KCNS3: variants seen among roughly 807,000 people sequenced by gnomAD.
The protein encoded by KCNS3 is delayed-rectifier potassium channel regulatory subunit KCNS3.
Under a neutral mutation model 31.0 loss-of-function variants are expected in KCNS3, and 13 were observed. The ratio of observed to expected loss-of-function variants is 0.42; its 90% CI spans 0.27 to 0.67. The LOEUF (loss-of-function observed/expected upper bound fraction) is 0.67. Among genes scored for constraint, KCNS3 ranks in the 30% least tolerant of loss-of-function variants. The pLI, the probability that KCNS3 is intolerant of heterozygous loss-of-function variation, is 0.25. For synonymous variants in KCNS3, 238 were observed against 241.5 expected (o/e 0.99, Z 0.13); for missense variants, 545 against 622.4 (o/e 0.88, Z 1.32).
At position 17,891,468 on chromosome 2, in the gene KCNS3, T is replaced by G. The variant is rs533220390; in HGVS notation, c.-252+12662T>G. Among the ~76,000 whole-genome samples the G allele has an allele frequency of 9.2e-5, 14 of 152,244 alleles. 1 individual carries two copies. The highest frequency in any genetic ancestry group is 3.4e-3 in the Middle Eastern group (1 of 294). The stretch of plus-strand genomic sequence containing the variant: ...GTGCTCTTTGTTGCCTGTGTAGTTT[T>G]TTTGTTTGTTTGTTTGTTTTTGCTT... On this transcript the variant is annotated intron_variant, in intron 1 of 2. Coordinates refer to ENST00000304101, the MANE Select transcript of KCNS3 (RefSeq NM_002252.5).
chr2:17,884,932 GTT>G (rs55738585), intron 1 of KCNS3, among the ~76,000 whole-genome samples: 21,561 of 127,872 alleles, frequency 0.17, 1,629 homozygotes, highest in African/African-American at 0.2. Flanking sequence ...CTTCCCTGTT[GTT>G]TTTTTTTTTT....
At chr2:17,908,435 C>T (rs878891798) in intron 1 of KCNS3, among the ~76,000 whole-genome samples, 4 of 152,110 alleles carry the variant, frequency 2.6e-5, no homozygotes, top group African/African-American at 7.2e-5. Flanking sequence ...GAAGTTTGAT[C>T]GTCTGAAGCC....
At chr2:17,892,410 A>G (rs1032198217) in intron 1 of KCNS3, among the ~76,000 whole-genome samples, 4 of 151,992 alleles carry the variant, frequency 2.6e-5, no homozygotes, top group Non-Finnish European at 5.9e-5. Context: ...CTTAATAACT[A>G]ACTTCCCAAA....
chr2:17,921,473 T>A (rs530582178), intron 2 of KCNS3, among the ~76,000 whole-genome samples: 1 of 152,344 alleles, frequency 6.6e-6, no homozygotes, highest in Non-Finnish European at 1.5e-5. Context: ...TGATTTTTTT[T>A]ATAATATCAA....
At chr2:17,886,682 GTCCA>G (rs61140648) in intron 1 of KCNS3, among the ~76,000 whole-genome samples, 31,115 of 149,970 alleles carry the variant, frequency 0.21, 3,877 homozygotes, top group Non-Finnish European at 0.29. Flanking sequence ...CCATCCGTCC[GTCCA>G]TCCATCCATC....
chr2:17,906,968 A>G (rs964354542), intron 1 of KCNS3, among the ~76,000 whole-genome samples: 2 of 152,158 alleles, frequency 1.3e-5, no homozygotes, highest in African/African-American at 2.4e-5. Context: ...GTAGATGTCT[A>G]TTGGGTCTGC....
chr2:17,912,018 A>G (rs1448228768), intron 1 of KCNS3, among the ~76,000 whole-genome samples: 1 of 152,196 alleles, frequency 6.6e-6, no homozygotes, highest in Non-Finnish European at 1.5e-5. Context: ...AGCATTTTTA[A>G]TGGCTACAGA....
rs34385647 is a variant in KCNS3, at chr2:17,884,256, T to TA, written c.-252+5463dup. 4.4e-3 allele frequency among the ~76,000 whole-genome samples: 385 copies of TA among 86,738 alleles called. 1 individual carries two copies. Among genetic ancestry groups the TA allele is most frequent in the African/African-American group, 0.014 (315 of 22,164 alleles). The allele number at this position is 86,738 out of a possible 152,430, so 56.9% of individuals were successfully genotyped here. A position where few individuals can be genotyped will look rare whatever the true frequency, so the allele number is the denominator to read the frequency against. ...TGTACCCTAGAACTTAAAGTATAAT[T>TA]AAAAAAAAAAAAATATATATATATA... On this transcript the variant is annotated intron_variant, in intron 1 of 2. Transcript: ENST00000304101.
chr2:17,888,645 A>C lies in KCNS3; in HGVS notation c.-252+9839A>C, dbSNP rs868704462. Among the ~76,000 whole-genome samples the C allele has an allele frequency of 6.6e-4, 82 of 123,734 alleles. 8 individuals are homozygous for C. The East Asian group carries it at 9.0e-3, about 14-fold the overall frequency. The allele number at this position is 123,734 out of a possible 152,430, so 81.2% of individuals were successfully genotyped here. On this transcript the variant is annotated intron_variant, in intron 1 of 2. Coordinates refer to ENST00000304101, the MANE Select transcript of KCNS3 (RefSeq NM_002252.5). The stretch of plus-strand genomic sequence containing the variant: ...AAAAAAAATGTATATATATATATAT[A>C]TATATATATATATATATATATATAT...
chr2:17,915,124 A>C (rs974917995), intron 1 of KCNS3, among the ~76,000 whole-genome samples: 2 of 152,218 alleles, frequency 1.3e-5, no homozygotes, highest in Non-Finnish European at 2.9e-5. Flanking sequence ...CAGGAAATGC[A>C]GCCAGCCTGG....
At chr2:17,887,687 C>T (rs1442213626) in intron 1 of KCNS3, among the ~76,000 whole-genome samples, 1 of 152,150 alleles carries the variant, frequency 6.6e-6, no homozygotes. Context: ...TGGGTAGATA[C>T]CCAGTAGTGA....
intron 2 of KCNS3, among the ~76,000 whole-genome samples, chr2:17,929,231 T>G (rs1289847836): frequency 4.6e-5 from 7 of 152,232 alleles, no homozygotes; most frequent in African/African-American, 1.2e-4. Context: ...GTTCTCACAC[T>G]GCTATAAAGA....
chr2:17,925,201 G>A (rs1662807764), intron 2 of KCNS3, among the ~76,000 whole-genome samples: 1 of 152,154 alleles, frequency 6.6e-6, no homozygotes, highest in African/African-American at 2.4e-5. Flanking sequence ...AGAAGGAGAG[G>A]TAAGACATGC....
intron 1 of KCNS3, among the ~76,000 whole-genome samples, chr2:17,914,044 T>C (rs1158645558): frequency 6.6e-6 from 1 of 152,222 alleles, no homozygotes; most frequent in Non-Finnish European, 1.5e-5. Flanking sequence ...ACAGGTCCCA[T>C]TTCCCAGGTA....
intron 2 of KCNS3, among the ~76,000 whole-genome samples, chr2:17,924,027 C>A (rs578160982): frequency 1.4e-4 from 21 of 151,812 alleles, no homozygotes; most frequent in Non-Finnish European, 2.1e-4. Flanking sequence ...TTATTTCTTC[C>A]ATAATTTTTT....
At chr2:17,909,180 G>A (rs181974024) in intron 1 of KCNS3, among the ~76,000 whole-genome samples, 11,160 of 152,178 alleles carry the variant, frequency 0.073, 612 homozygotes, top group African/African-American at 0.16. Flanking sequence ...CCCCAGCCTC[G>A]CTGCCACCTT....
At chr2:17,920,912 T>C (rs948112475) in intron 2 of KCNS3, among the ~76,000 whole-genome samples, 1 of 152,258 alleles carries the variant, frequency 6.6e-6, no homozygotes, top group African/African-American at 2.4e-5. Flanking sequence ...ATACTCATAT[T>C]TGAGGCATTG....
chr2:17,920,458 C>A, intron 2 of KCNS3, among the ~76,000 whole-genome samples: 1 of 152,190 alleles, frequency 6.6e-6, no homozygotes, highest in South Asian at 2.1e-4. Flanking sequence ...CAAGAGGAGG[C>A]GAATAAAAGG....
intron 1 of KCNS3, among the ~76,000 whole-genome samples, chr2:17,890,267 A>G (rs2125234706): frequency 6.6e-6 from 1 of 152,160 alleles, no homozygotes; most frequent in Admixed American, 6.5e-5. Context: ...GTCAGTTGTA[A>G]TATTTCCTGC....
Sources: allele counts gnomAD v4.1 joint callset (sites outside exome capture counted in the v4.1 genomes callset), GRCh38; gene constraint gnomAD v4.1.1; transcripts MANE v1.5; gene names NCBI Gene and HGNC (gene_info 2026-07-23, HGNC 2026-07-21).